The following SLC24A2 variants were observed in gnomAD, a reference collection of about 807,000 sequenced individuals.
SLC24A2 encodes solute carrier family 24 member 2.
SLC24A2 carries 36 observed loss-of-function variants against 62.0 expected under a neutral mutation model. The observed-to-expected ratio is 0.58, with a 90% CI of 0.44 to 0.77. The LOEUF is 0.77. SLC24A2 is among the 30% of genes least tolerant of loss of function. The pLI, the probability that SLC24A2 is intolerant of heterozygous loss-of-function variation, is 0.00. For missense variants in SLC24A2, 846 were observed against 817.9 expected (o/e 1.03, Z -0.42); for synonymous variants, 358 against 294.0 (o/e 1.22, Z -2.23).
At chr9:20,307,152 T>C in the SLC24A2 span, among the ~76,000 whole-genome samples, 2 of 152,186 alleles carry the variant, frequency 1.3e-5, no homozygotes, top group African/African-American at 2.4e-5. Flanking sequence ...TCTATATCAT[T>C]TGTCACAGAT....
intron 2 of SLC24A2, among the ~76,000 whole-genome samples, chr9:19,767,274 G>A (rs1433937349): frequency 2.0e-5 from 3 of 152,112 alleles, no homozygotes; most frequent in Non-Finnish European, 4.4e-5. Flanking sequence ...TGGCTCCCTG[G>A]CTTCAGCCCC....
At chr9:19,555,033 A>C (rs1347115351) in intron 7 of SLC24A2, among the ~76,000 whole-genome samples, 1 of 152,134 alleles carries the variant, frequency 6.6e-6, no homozygotes, top group Non-Finnish European at 1.5e-5. Context: ...CCACATGTTA[A>C]CACTAGACTA....
At chr9:19,545,347 T>C (rs897181733) in intron 8 of SLC24A2, among the ~76,000 whole-genome samples, 1 of 152,160 alleles carries the variant, frequency 6.6e-6, no homozygotes, top group Non-Finnish European at 1.5e-5. Flanking sequence ...TTCAAGGTTC[T>C]TAGCTTCCTT....
At chr9:19,812,039 C>G in the SLC24A2 span, among the ~76,000 whole-genome samples, 1 of 152,066 alleles carries the variant, frequency 6.6e-6, no homozygotes, top group Non-Finnish European at 1.5e-5. Flanking sequence ...ACTGGATATA[C>G]AGTTTTAGAC....
At chr9:20,068,743 A>C in the SLC24A2 span, among the ~76,000 whole-genome samples, 8 of 152,176 alleles carry the variant, frequency 5.3e-5, no homozygotes, top group Non-Finnish European at 1.2e-4. Flanking sequence ...CTGTCTGCCC[A>C]AATTAGGGCT....
chr9:20,181,615 A>C, the SLC24A2 span, among the ~76,000 whole-genome samples: 2 of 152,196 alleles, frequency 1.3e-5, no homozygotes, highest in East Asian at 3.9e-4. Flanking sequence ...CCTTCCTTAC[A>C]CCTTATACAA....
chr9:19,640,034 A>G (rs1180368366), intron 2 of SLC24A2, among the ~76,000 whole-genome samples: 1 of 152,264 alleles, frequency 6.6e-6, no homozygotes, highest in Non-Finnish European at 1.5e-5. Flanking sequence ...TGAGTTTATT[A>G]GATGAATGAA....
intron 2 of SLC24A2, among the ~76,000 whole-genome samples, chr9:19,753,000 G>A (rs1021409186): frequency 1.3e-4 from 20 of 152,168 alleles, no homozygotes; most frequent in African/African-American, 4.1e-4. Flanking sequence ...AAAAATGCAA[G>A]GGCCAGAATC....
chr9:19,671,685 G>A (rs1199355053), intron 2 of SLC24A2, among the ~76,000 whole-genome samples: 1 of 152,210 alleles, frequency 6.6e-6, no homozygotes, highest in Non-Finnish European at 1.5e-5. Context: ...TAGGTTGGCT[G>A]TGGGTTTGTC....
At chr9:20,230,700 A>G in the SLC24A2 span, among the ~76,000 whole-genome samples, 8 of 152,176 alleles carry the variant, frequency 5.3e-5, no homozygotes, top group South Asian at 2.1e-4. Context: ...TCACTCTGAT[A>G]GTAGTTTCTT....
At chr9:20,147,733 T>C in the SLC24A2 span, among the ~76,000 whole-genome samples, 1 of 151,892 alleles carries the variant, frequency 6.6e-6, no homozygotes, top group African/African-American at 2.4e-5. Flanking sequence ...CCGTGGTCAG[T>C]ATCAACTCTA....
At chr9:19,638,537 A>T (rs73646351) in intron 2 of SLC24A2, among the ~76,000 whole-genome samples, 5,417 of 152,266 alleles carry the variant, frequency 0.036, 224 homozygotes, top group African/African-American at 0.099. Context: ...TTATTTCCCA[A>T]TGAGTTAGAC....
chr9:19,556,510 C>T (rs1456360513), intron 7 of SLC24A2, among the ~76,000 whole-genome samples: 2 of 152,132 alleles, frequency 1.3e-5, no homozygotes, highest in African/African-American at 2.4e-5. Context: ...AATTCAAGTT[C>T]AGTTTTATTG....
intron 2 of SLC24A2, among the ~76,000 whole-genome samples, chr9:19,701,461 G>A (rs1820354488): frequency 6.6e-6 from 1 of 152,192 alleles, no homozygotes; most frequent in South Asian, 2.1e-4. Context: ...CGCACTTTGG[G>A]TGGAAGAACT....
intron 8 of SLC24A2, among the ~76,000 whole-genome samples, chr9:19,533,045 A>G (rs956653326): frequency 4.6e-5 from 7 of 152,242 alleles, no homozygotes; most frequent in Non-Finnish European, 1.0e-4. Flanking sequence ...TAAAGCCCAT[A>G]TTAATTATGT....
chr9:20,283,122 C>T, the SLC24A2 span, among the ~76,000 whole-genome samples: 2 of 152,174 alleles, frequency 1.3e-5, no homozygotes, highest in Non-Finnish European at 2.9e-5. Flanking sequence ...CTGGATATTA[C>T]CACTTAGAAA....
chr9:20,020,714 A>G, the SLC24A2 span, among the ~76,000 whole-genome samples: 1 of 152,166 alleles, frequency 6.6e-6, no homozygotes, highest in Admixed American at 6.5e-5. Flanking sequence ...AGAACTTAAA[A>G]TATAATAAAT....
At chr9:19,794,669 G>A in the SLC24A2 span, among the ~76,000 whole-genome samples, 1 of 151,480 alleles carries the variant, frequency 6.6e-6, no homozygotes. Flanking sequence ...CAAGAGACTT[G>A]GAGTCTCAAC....
intron 7 of SLC24A2, among the ~76,000 whole-genome samples, chr9:19,563,779 G>C (rs1159048902): frequency 0.014 from 638 of 44,826 alleles, 92 homozygotes; most frequent in East Asian, 0.055. Context: ...TAACAAAACT[G>C]TTGGTTTTTA....
Sources: allele counts gnomAD v4.1 joint callset (sites outside exome capture counted in the v4.1 genomes callset), GRCh38; gene constraint gnomAD v4.1.1; transcripts MANE v1.5; gene names NCBI Gene and HGNC (gene_info 2026-07-23, HGNC 2026-07-21).